The following PDXP variants were observed in gnomAD, a reference collection of about 807,000 sequenced individuals.
PDXP encodes pyridoxal phosphatase.
A neutral mutation model predicts 14.4 loss-of-function variants in PDXP; 15 were observed. The observed-to-expected ratio is 1.04, with a 90% CI of 0.70 to 1.60. The LOEUF (loss-of-function observed/expected upper bound fraction) is 1.60, where lower values mean the gene tolerates loss of function less well. Ranked by LOEUF, PDXP falls within the 40% of genes most tolerant of loss-of-function variation. The pLI is 0.00. For synonymous variants in PDXP, 233 were observed against 205.6 expected, an observed-to-expected ratio of 1.13 and a Z score of -1.14; for missense variants, 413 against 427.6, an observed-to-expected ratio of 0.97 and a Z score of 0.30.
intron 1 of PDXP, among the ~76,000 whole-genome samples, chr22:37,661,198 C>T (rs1352547751): frequency 6.6e-6 from 1 of 152,184 alleles, no homozygotes; most frequent in Non-Finnish European, 1.5e-5. Context: ...ATCCAGACCC[C>T]TTTGGTCTCA....
chr22:37,659,418 T>G (rs1261759296), intron 1 of PDXP, 62 bp downstream of exon 1: 76 of 1,194,760 alleles, frequency 6.4e-5, no homozygotes, highest in Non-Finnish European at 7.8e-5. Context: ...CCTCCACGCC[T>G]AAGGGTGAGG....
chr22:37,665,481 C>G, intron 1 of PDXP, 74 bp from the exon 2 acceptor site: 5 of 1,251,538 alleles, frequency 4.0e-6, no homozygotes, highest in Non-Finnish European at 5.5e-6. Context: ...AATCCACCTC[C>G]CTGGACTTCC....
intron 1 of PDXP, among the ~76,000 whole-genome samples, 153 bp from the exon 2 acceptor site, chr22:37,665,402 T>G (rs1172840596): frequency 6.6e-6 from 1 of 152,114 alleles, no homozygotes; most frequent in Non-Finnish European, 1.5e-5. Context: ...GTCTCTACCC[T>G]TAACCACTAC....
rs1286051846 is a variant in PDXP at position 37,658,752 on chromosome 22, C to T, written c.-31C>T. The T allele has an allele frequency of 3.5e-6, 4 of 1,143,646 alleles. No homozygotes were observed. The Admixed American group carries it at 1.4e-4, about 41-fold the overall frequency. The allele number at this position is 1,143,646 out of a possible 1,614,324, so 70.8% of individuals were successfully genotyped here. A position where few individuals can be genotyped will look rare whatever the true frequency, so the allele number is the denominator to read the frequency against. ...GCGCGCCGTGCCCGCGGAGAGAGCG[C>T]GGCGCGGGAGGCCGGCGGCCGGCCG... On this transcript the variant is annotated 5_prime_UTR_variant, in exon 1 of 2. Transcript: ENST00000215904.
intron 1 of PDXP, among the ~76,000 whole-genome samples, chr22:37,664,485 G>C (rs1274596981): frequency 2.6e-5 from 4 of 152,186 alleles, no homozygotes; most frequent in Non-Finnish European, 4.4e-5. Context: ...TCAGAGCTGG[G>C]TTGGACCCAC....
Position 37,665,865 on chromosome 22 carries a change from G to A in PDXP, c.885G>A (p.Glu295=), listed in dbSNP as rs144941532. 14 of 1,611,616 alleles carry A rather than the reference G, an allele frequency of 8.7e-6. No homozygotes were observed. The highest frequency in any genetic ancestry group is 1.3e-5 in the African/African-American group (1 of 74,894). The change falls in exon 2 of 2, where the codon GAG becomes GAA. Residue 295 remains glutamate, a synonymous_variant. Transcript: ENST00000215904. ...ESIADLTEGL[E]D is the part of the protein sequence containing the mutation. ...TCGCAGACTTGACAGAGGGGTTGGAGGACTGAGCCCACTGCACCTGCAGCC... is the reference window on the plus strand; with the variant it reads ...TCGCAGACTTGACAGAGGGGTTGGAAGACTGAGCCCACTGCACCTGCAGCC...
chr22:37,661,810 T>G (rs1435606118), intron 1 of PDXP, among the ~76,000 whole-genome samples: 2 of 151,980 alleles, frequency 1.3e-5, no homozygotes, highest in African/African-American at 2.4e-5. Flanking sequence ...GGGCCATTCT[T>G]GAGCTCAGAA....
At chr22:37,661,331 AGTGTGGTGTGGTGTGGTGTGTGT>A (rs1555890111) in intron 1 of PDXP, among the ~76,000 whole-genome samples, 1 of 93,450 alleles carries the variant, frequency 1.1e-5, no homozygotes, top group East Asian at 2.9e-4. Flanking sequence ...GCTTTCAAAC[AGTGTGGTGTGGTGTGGTGTGTGT>A]GTGTGGTGTG....
chr22:37,659,425 G>T, intron 1 of PDXP, 69 bp downstream of exon 1: 1 of 1,164,810 alleles, frequency 8.6e-7, no homozygotes, highest in Non-Finnish European at 1.1e-6. Flanking sequence ...GCCTAAGGGT[G>T]AGGGGCGGGG....
rs975714187 is a variant in PDXP at position 37,665,578 on chromosome 22, G to A, written c.598G>A (p.Val200Met). ...TPGTGSLAAAVETASGRQALV... is the reference protein window; with the variant it reads ...TPGTGSLAAAMETASGRQALV... ...AGGCACCGGGAGCCTGGCCGCTGCAGTGGAGACAGCCTCGGGACGCCAGGC... is the reference window on the plus strand; with the variant it reads ...AGGCACCGGGAGCCTGGCCGCTGCAATGGAGACAGCCTCGGGACGCCAGGC... Residue 200 changes from valine (V) to methionine (M), a missense_variant, in exon 2 of 2, where the codon GTG becomes ATG. Val to Met is a conservative substitution (Grantham distance 21). Transcript: ENST00000215904. 4.3e-6 allele frequency: 7 copies of A among 1,610,822 alleles called. No individual in the cohort carries two copies. The highest frequency in any genetic ancestry group is 1.3e-5 in the African/African-American group (1 of 74,898).
In PDXP at chr22:37,666,531, A is replaced by G. The variant is rs1212749588; in HGVS notation, c.*660A>G. On this transcript the variant is annotated 3_prime_UTR_variant, in exon 2 of 2. Coordinates refer to ENST00000215904, the MANE Select transcript of PDXP (RefSeq NM_020315.5). ...CAGTGGTCTTTTAGATCCTCAGTAG[A>G]ACAGTCCAGAAGCCTGAGAGACAGT... is the stretch of plus-strand genomic sequence containing the variant. 1 of 169,210 alleles carries G rather than the reference A, an allele frequency of 5.9e-6. No individual in the cohort carries two copies. The highest frequency in any genetic ancestry group is 1.4e-5 in the Non-Finnish European group (1 of 69,534). 10.5% of individuals were successfully genotyped at this position (169,210 alleles called of 1,614,324 possible). A position where few individuals can be genotyped will look rare whatever the true frequency, so the allele number is the denominator to read the frequency against.
intron 1 of PDXP, among the ~76,000 whole-genome samples, chr22:37,662,753 C>T (rs1016234853): frequency 1.4e-4 from 21 of 150,578 alleles, no homozygotes; most frequent in African/African-American, 4.9e-4. Context: ...TTTGGGAGGC[C>T]GAGGCAGGTG....
intron 1 of PDXP, among the ~76,000 whole-genome samples, chr22:37,662,537 G>A (rs549621832): frequency 9.9e-5 from 15 of 152,178 alleles, no homozygotes; most frequent in South Asian, 4.1e-4. Flanking sequence ...GTCCCTGAAC[G>A]TGGGGTCAGG....
rs1921094670 is a variant in PDXP at position 37,666,699 on chromosome 22, T to A, written c.*828T>A. The A allele has an allele frequency of 6.0e-6, 1 of 167,142 alleles. No individual in the cohort carries two copies. Among genetic ancestry groups the A allele is most frequent in the Non-Finnish European group, 1.5e-5 (1 of 68,148 alleles). The allele number at this position is 167,142 out of a possible 1,614,324, so 10.4% of individuals were successfully genotyped here. On this transcript the variant is annotated 3_prime_UTR_variant, in exon 2 of 2. Coordinates refer to ENST00000215904, the MANE Select transcript of PDXP (RefSeq NM_020315.5). ...GGGCTTCTGTGGCCAAGCCCCACCC[T>A]TTCCTGGTCATGGTACCCGTACAGC...
chr22:37,662,332 T>A (rs1933222387), intron 1 of PDXP, among the ~76,000 whole-genome samples: 1 of 152,118 alleles, frequency 6.6e-6, no homozygotes, highest in Admixed American at 6.5e-5. Context: ...CTTCCCCATC[T>A]TTGCCTTTGG....
chr22:37,660,787 C>T (rs1266658802), intron 1 of PDXP, among the ~76,000 whole-genome samples: 1 of 152,176 alleles, frequency 6.6e-6, no homozygotes, highest in Non-Finnish European at 1.5e-5. Context: ...TGAGCAGGGC[C>T]TAGTGCCAGG....
Position 37,665,556 on chromosome 22 carries a change from C to A in PDXP, c.576C>A (p.Gly192=), listed in dbSNP as rs753794770. The part of the protein sequence containing the change: ...HPLSDGSRTP[G]TGSLAAAVET... ...GACTGCGTCTCCATCTCCCTACAGG[C>A]ACCGGGAGCCTGGCCGCTGCAGTGG... The change falls in exon 2 of 2, where the codon GGC becomes GGA. Residue 192 remains glycine, a splice_region_variant and synonymous_variant. Transcript: ENST00000215904. 6.2e-7 allele frequency: 1 copy of A among 1,601,672 alleles called. No individual in the cohort carries two copies. The highest frequency in any genetic ancestry group is 1.1e-5 in the South Asian group (1 of 90,288).
chr22:37,665,808 C>A lies in PDXP; in HGVS notation c.828C>A (p.His276Gln), dbSNP rs761769123. The A allele has an allele frequency of 1.2e-6, 2 of 1,613,910 alleles. No homozygotes were observed. Among genetic ancestry groups the A allele is most frequent in the Admixed American group, 1.7e-5 (1 of 60,012 alleles). The change falls in exon 2 of 2, where the codon CAC becomes CAA. Residue 276 changes from histidine to glutamine, a missense_variant. Coordinates refer to ENST00000215904, the MANE Select transcript of PDXP (RefSeq NM_020315.5). The part of the protein sequence containing the change: ...EAQAYLAAGQ[H>Q]DLVPHYYVES... ...AGGCCTACCTAGCGGCCGGCCAGCA[C>A]GACCTCGTGCCCCATTACTATGTGG...
Position 37,659,030 on chromosome 22 carries a change from A to C in PDXP, c.248A>C (p.Glu83Ala), listed in dbSNP as rs1933142057. The change falls in exon 1 of 2, where the codon GAG becomes GCG. Residue 83 changes from glutamate to alanine, a missense_variant. Transcript: ENST00000215904. ...ARLGFGGLRA[E>A]QLFSSALCAA... ...CTCGGCTTCGGGGGGCTGCGCGCCG[A>C]GCAGCTCTTCAGCTCCGCGCTGTGC... The C allele has an allele frequency of 2.6e-6, 3 of 1,176,244 alleles. No individual in the cohort carries two copies. Among genetic ancestry groups the C allele is most frequent in the South Asian group, 6.6e-5 (2 of 30,352 alleles). The allele number at this position is 1,176,244 out of a possible 1,614,324, so 72.9% of individuals were successfully genotyped here. A position where few individuals can be genotyped will look rare whatever the true frequency, so the allele number is the denominator to read the frequency against.
Sources: gnomAD v4.1 joint callset for allele counts (sites outside exome capture counted in the v4.1 genomes callset) on GRCh38, gnomAD v4.1.1 for gene constraint, MANE v1.5 for transcripts, NCBI Gene and HGNC (gene_info 2026-07-23, HGNC 2026-07-21) for gene names.